Variants in HSPA12A observed in about 807,000 individuals in gnomAD.
The protein encoded by HSPA12A is heat shock 70 kDa protein 12A.
In HSPA12A, 28 loss-of-function variants were observed where a neutral mutation model predicts 69.2. The observed-to-expected ratio is 0.40, with a 90% CI of 0.30 to 0.55. The LOEUF is 0.55. Among genes scored for constraint, HSPA12A ranks in the 20% least tolerant of loss-of-function variants. The pLI, the probability that HSPA12A is intolerant of heterozygous loss-of-function variation, is 0.38. For synonymous variants in HSPA12A, 345 were observed against 370.5 expected (o/e 0.93, Z 0.79); for missense variants, 686 against 900.7 (o/e 0.76, Z 3.05).
intron 10 of HSPA12A, among the ~76,000 whole-genome samples, chr10:116,678,928 T>C (rs1323362126): frequency 1.3e-5 from 2 of 152,166 alleles, no homozygotes; most frequent in African/African-American, 4.8e-5. Context: ...CATCATTTCA[T>C]GATGGATATT....
intron 2 of HSPA12A, among the ~76,000 whole-genome samples, chr10:116,754,130 C>T (rs1312802856): frequency 6.6e-6 from 1 of 152,180 alleles, no homozygotes; most frequent in African/African-American, 2.4e-5. Flanking sequence ...TGCCCTCAAA[C>T]TGCTCCACCG....
At chr10:116,687,253 G>C (rs1849601761) in intron 6 of HSPA12A, among the ~76,000 whole-genome samples, 1 of 152,170 alleles carries the variant, frequency 6.6e-6, no homozygotes, top group Non-Finnish European at 1.5e-5. Flanking sequence ...TTTCCATAGG[G>C]GGTTCCCCAC....
intron 6 of HSPA12A, among the ~76,000 whole-genome samples, chr10:116,687,255 G>A (rs1346986614): frequency 6.6e-6 from 1 of 152,194 alleles, no homozygotes; most frequent in Non-Finnish European, 1.5e-5. Context: ...TCCATAGGGG[G>A]TTCCCCACTG....
chr10:116,721,615 A>G lies in HSPA12A; in HGVS notation c.41-14330T>C, dbSNP rs138589778. Among the ~76,000 whole-genome samples the G allele has an allele frequency of 2.6e-3, 399 of 152,334 alleles. 3 individuals carry two copies. Among genetic ancestry groups the G allele is most frequent in the African/African-American group, 8.5e-3 (352 of 41,582 alleles). On this transcript the variant is annotated intron_variant, in intron 1 of 11. Coordinates refer to ENST00000369209, the MANE Select transcript of HSPA12A (RefSeq NM_025015.3). ...AACGAAAACCCGGGTGTGCGTGACT[A>G]TAGCAGGGTAAGAGCAAACAAACTA...
intron 2 of HSPA12A, among the ~76,000 whole-genome samples, chr10:116,823,324 G>A (rs1008063305): frequency 1.3e-5 from 2 of 152,174 alleles, no homozygotes; most frequent in African/African-American, 2.4e-5. Context: ...GGTAATCCAG[G>A]TTCATGGATG....
intron 2 of HSPA12A, among the ~76,000 whole-genome samples, chr10:116,811,577 G>GT (rs1382289712): frequency 0.01 from 379 of 36,990 alleles, 3 homozygotes; most frequent in African/African-American, 0.04. Context: ...CTTTGCTTTT[G>GT]TTAAAAAAAA....
chr10:116,734,650 C>CTTTTTTTTTTT (rs10631951), intron 1 of HSPA12A, among the ~76,000 whole-genome samples: 1 of 133,828 alleles, frequency 7.5e-6, no homozygotes. Context: ...AGATTTTCAG[C>CTTTTTTTTTTT]TTTTTTTTTT....
intron 2 of HSPA12A, among the ~76,000 whole-genome samples, chr10:116,765,982 T>A (rs536657318): frequency 6.6e-6 from 1 of 152,230 alleles, no homozygotes. Flanking sequence ...TGCAGCCGCT[T>A]GTGGCTCCAA....
Position 116,748,108 on chromosome 10 carries a change from C to T in HSPA12A, c.92-40823G>A, listed in dbSNP as rs1851691317. 2.0e-5 allele frequency among the ~76,000 whole-genome samples: 3 copies of T among 152,222 alleles called. No individual in the cohort carries two copies. In the South Asian group the frequency reaches 6.2e-4, roughly 31 times the overall value. On this transcript the variant is annotated intron_variant, in intron 2 of 12. Transcript: ENST00000635765. ...TGACAGAGCTACGGTCAAACTCAGC[C>T]CCCTGACTCCCAGCCCAGCTTAACC...
At chr10:116,798,826 A>G (rs1158713844) in intron 2 of HSPA12A, among the ~76,000 whole-genome samples, 2 of 152,186 alleles carry the variant, frequency 1.3e-5, no homozygotes. Flanking sequence ...AACTAAATCC[A>G]TACGGTTTCT....
At position 116,675,086 on chromosome 10, in the gene HSPA12A, C is replaced by A. The variant is rs368656432; in HGVS notation, c.1723G>T (p.Asp575Tyr). ...AGCTCACCCAGAGCCACAGACTGGT[C>A]GGCAGAGATGAACTTGTCAAAGACG... Reference protein sequence around the residue: ...TDVFDKFISADQSVALGELVK... With the variant: ...TDVFDKFISAYQSVALGELVK... The change falls in exon 12 of 12, where the codon GAC becomes TAC. Residue 575 changes from aspartate to tyrosine, a missense_variant. Transcript: ENST00000369209. This position sits in a 1 kb window ranked among gnomAD's most constrained non-coding sequence, Gnocchi z 5.2. 2 of 1,613,996 alleles carry A rather than the reference C, an allele frequency of 1.2e-6. No homozygotes were observed. The highest frequency in any genetic ancestry group is 1.7e-6 in the Non-Finnish European group (2 of 1,180,030).
intron 1 of HSPA12A, among the ~76,000 whole-genome samples, chr10:116,839,259 C>T (rs1262868343): frequency 2.0e-5 from 3 of 152,314 alleles, no homozygotes; most frequent in Middle Eastern, 3.4e-3. Context: ...TCTAAAGGAA[C>T]ATTTCAACCG....
chr10:116,767,323 A>C (rs969725318), intron 2 of HSPA12A, among the ~76,000 whole-genome samples: 6 of 152,128 alleles, frequency 3.9e-5, no homozygotes, highest in African/African-American at 1.4e-4. Flanking sequence ...TGGCTCAGGC[A>C]CTGTGTTCAT....
At chr10:116,845,435 CT>C (rs1300779076) in intron 1 of HSPA12A, among the ~76,000 whole-genome samples, 1 of 152,144 alleles carries the variant, frequency 6.6e-6, no homozygotes, top group Non-Finnish European at 1.5e-5. Flanking sequence ...ACAAGTGTTT[CT>C]TGTTGCACAC....
chr10:116,787,117 G>C (rs1196514211), intron 2 of HSPA12A, among the ~76,000 whole-genome samples: 1 of 151,978 alleles, frequency 6.6e-6, no homozygotes, highest in Non-Finnish European at 1.5e-5. Context: ...TCTGACTGCA[G>C]TCAAGATTGA....
At position 116,674,494 on chromosome 10, in the gene HSPA12A, T is replaced by C. The variant is rs1462299662; in HGVS notation, c.*287A>G. ...AACCACTGCTGCAGAAATGTACTGATTCCCTTCTCCGTGGCCATTTCACCA... is the reference window on the plus strand; with the variant it reads ...AACCACTGCTGCAGAAATGTACTGACTCCCTTCTCCGTGGCCATTTCACCA... On this transcript the variant is annotated 3_prime_UTR_variant, in exon 12 of 12. Coordinates refer to ENST00000369209, the MANE Select transcript of HSPA12A (RefSeq NM_025015.3). The C allele has an allele frequency of 2.2e-6, 1 of 452,336 alleles. No homozygotes were observed. The highest frequency in any genetic ancestry group is 4.0e-6 in the Non-Finnish European group (1 of 248,976). 28.0% of individuals were successfully genotyped at this position (452,336 alleles called of 1,614,324 possible).
chr10:116,716,658 G>A (rs1226180626), intron 1 of HSPA12A, among the ~76,000 whole-genome samples: 1 of 152,186 alleles, frequency 6.6e-6, no homozygotes, highest in Non-Finnish European at 1.5e-5. Context: ...AGCCAGAGTT[G>A]GCTCTTCGGC....
At chr10:116,750,170 G>A (rs1174652466) in intron 2 of HSPA12A, 2 of 624,936 alleles carry the variant, frequency 3.2e-6, no homozygotes, top group Non-Finnish European at 5.9e-6. Context: ...TGTGAAGGTT[G>A]GCCTGACAAA....
intron 2 of HSPA12A, among the ~76,000 whole-genome samples, chr10:116,805,303 G>A (rs551243841): frequency 1.5e-3 from 225 of 152,240 alleles, no homozygotes; most frequent in African/African-American, 5.2e-3. Flanking sequence ...GCGACAGAGA[G>A]AGACTCCATC....
Sources: gnomAD v4.1 joint callset for allele counts (sites outside exome capture counted in the v4.1 genomes callset) on GRCh38, gnomAD v4.1.1 for gene constraint, Gnocchi (gnomAD v3.1) non-coding constraint, MANE v1.5 for transcripts, NCBI Gene and HGNC (gene_info 2026-07-23, HGNC 2026-07-21) for gene names.